The following XIRP2 variants were observed in gnomAD, a reference collection of about 807,000 sequenced individuals.
XIRP2 encodes xin actin-binding repeat-containing protein 2.
Under a neutral mutation model 277.0 loss-of-function variants are expected in XIRP2, and 236 were observed. That is an observed-to-expected ratio of 0.85 (90% CI 0.77 to 0.95). The LOEUF is 0.95. Among genes scored for constraint, XIRP2 ranks in the 40% least tolerant of loss-of-function variants. The probability of loss-of-function intolerance (pLI) is 0.00; values close to 1 mark genes in which losing one functional copy is unlikely to be tolerated. For synonymous variants in XIRP2, 1,490 were observed against 1,416.5 expected (o/e 1.05, Z -1.17); for missense variants, 4,640 against 4,157.5 (o/e 1.12, Z -3.19).
intron 3 of XIRP2, among the ~76,000 whole-genome samples, chr2:167,141,778 T>G (rs566455030): frequency 1.1e-4 from 17 of 152,054 alleles, no homozygotes; most frequent in African/African-American, 4.1e-4. Flanking sequence ...GGAGGATCCC[T>G]TGAGTCCTGG....
chr2:167,107,321 CATA>C (rs1690642727), intron 2 of XIRP2, among the ~76,000 whole-genome samples: 1 of 151,160 alleles, frequency 6.6e-6, no homozygotes, highest in Non-Finnish European at 1.5e-5. Flanking sequence ...CACCAGTAAG[CATA>C]ATGTTACCCA....
chr2:166,959,282 G>A (rs1157563228), intron 2 of XIRP2, among the ~76,000 whole-genome samples: 13 of 151,792 alleles, frequency 8.6e-5, no homozygotes, highest in Non-Finnish European at 1.8e-4. Context: ...AGCTGCCCCT[G>A]GAGAAAGCCA....
intron 2 of XIRP2, among the ~76,000 whole-genome samples, chr2:166,941,143 G>A (rs981740649): frequency 1.3e-5 from 2 of 152,130 alleles, no homozygotes; most frequent in African/African-American, 4.8e-5. Context: ...CCTCATCAAT[G>A]GCGGGCACCC....
Position 166,996,224 on chromosome 2 carries a change from G to T in XIRP2, c.408+92334G>T, listed in dbSNP as rs564797906. ...AGTGAATGAGTGAGTGAGTGAACTA[G>T]TAAATCGAAAGAGGATTCAAATTTG... is the stretch of plus-strand genomic sequence containing the variant. On this transcript the variant is annotated intron_variant, in intron 2 of 10. Transcript: ENST00000409195. 2.0e-5 allele frequency among the ~76,000 whole-genome samples: 3 copies of T among 152,316 alleles called. No individual in the cohort carries two copies. The South Asian group carries it at 6.2e-4, about 32-fold the overall frequency.
intron 2 of XIRP2, among the ~76,000 whole-genome samples, chr2:167,118,666 A>G (rs1690967724): frequency 6.6e-6 from 1 of 152,162 alleles, no homozygotes; most frequent in African/African-American, 2.4e-5. Context: ...GACCATCATC[A>G]GATAATGCAC....
intron 5 of XIRP2, among the ~76,000 whole-genome samples, chr2:167,233,709 TA>T (rs1193900157): frequency 7.2e-5 from 11 of 151,786 alleles, no homozygotes; most frequent in Non-Finnish European, 1.6e-4. Context: ...TAGAATATTT[TA>T]TTTTTTTTGT....
At chr2:166,985,086 C>T (rs1374495336) in intron 2 of XIRP2, among the ~76,000 whole-genome samples, 1 of 152,082 alleles carries the variant, frequency 6.6e-6, no homozygotes, top group Non-Finnish European at 1.5e-5. Context: ...TCTTTGTTTC[C>T]ACAACATCCT....
chr2:167,245,829 G>A lies in XIRP2; in HGVS notation c.4437G>A (p.Gln1479=). 1.2e-6 allele frequency: 2 copies of A among 1,613,738 alleles called. No homozygotes were observed. Among genetic ancestry groups the A allele is most frequent in the Non-Finnish European group, 1.7e-6 (2 of 1,179,772 alleles). The change falls in exon 9 of 11, where the codon CAG becomes CAA. Residue 1479 remains glutamine, a synonymous_variant. Transcript: ENST00000409195. ...LEYENIKTVT[Q]EDVQKGDVKQ... The stretch of plus-strand genomic sequence containing the variant: ...ATGAAAATATCAAGACAGTCACTCA[G>A]GAAGATGTGCAGAAAGGTGATGTTA...
chr2:167,038,844 A>T, intron 2 of XIRP2, among the ~76,000 whole-genome samples: 1 of 152,084 alleles, frequency 6.6e-6, no homozygotes, highest in East Asian at 1.9e-4. Context: ...TTGTGTTTAC[A>T]GTTGTTTGTA....
At chr2:167,180,431 A>G (rs1483833287) in intron 3 of XIRP2, among the ~76,000 whole-genome samples, 1 of 152,080 alleles carries the variant, frequency 6.6e-6, no homozygotes, top group African/African-American at 2.4e-5. Flanking sequence ...AATTTTCCCC[A>G]TTACATTGAT....
intron 2 of XIRP2, among the ~76,000 whole-genome samples, chr2:166,971,832 G>C (rs1686585287): frequency 6.6e-6 from 1 of 152,170 alleles, no homozygotes; most frequent in Non-Finnish European, 1.5e-5. Flanking sequence ...GTTTGCAAGA[G>C]TAGTTACCAA....
At chr2:167,090,017 G>C (rs1690094140) in intron 2 of XIRP2, among the ~76,000 whole-genome samples, 1 of 152,080 alleles carries the variant, frequency 6.6e-6, no homozygotes, top group African/African-American at 2.4e-5. Flanking sequence ...GAGATTAAAA[G>C]TTTAACTTAT....
At chr2:167,050,413 T>C (rs1688886963) in intron 2 of XIRP2, among the ~76,000 whole-genome samples, 1 of 152,114 alleles carries the variant, frequency 6.6e-6, no homozygotes, top group Non-Finnish European at 1.5e-5. Flanking sequence ...TAAATACAGT[T>C]AGCACTATTG....
intron 3 of XIRP2, among the ~76,000 whole-genome samples, chr2:167,210,116 C>T (rs1436500770): frequency 6.6e-6 from 1 of 152,038 alleles, no homozygotes; most frequent in Non-Finnish European, 1.5e-5. Context: ...TTATGTAATA[C>T]ATGCCCCTAA....
intron 3 of XIRP2, among the ~76,000 whole-genome samples, chr2:167,142,872 G>A (rs977399328): frequency 2.6e-5 from 4 of 152,042 alleles, no homozygotes; most frequent in Non-Finnish European, 4.4e-5. Flanking sequence ...TTAGGGCATG[G>A]CTAAAAGAAA....
At chr2:166,997,905 CAAA>C (rs200585621) in intron 2 of XIRP2, among the ~76,000 whole-genome samples, 1 of 133,532 alleles carries the variant, frequency 7.5e-6, no homozygotes. Context: ...GACTCCATCT[CAAA>C]AAAAAAAAAA....
chr2:167,050,623 C>T (rs983927506), intron 2 of XIRP2, among the ~76,000 whole-genome samples: 1 of 151,748 alleles, frequency 6.6e-6, no homozygotes, highest in Non-Finnish European at 1.5e-5. Context: ...GATAATTTCA[C>T]CCCAGAGTGA....
At chr2:167,116,391 C>A (rs901631778) in intron 2 of XIRP2, among the ~76,000 whole-genome samples, 12 of 152,050 alleles carry the variant, frequency 7.9e-5, no homozygotes, top group African/African-American at 2.9e-4. Flanking sequence ...TGGCAATGTT[C>A]CTTTCTGTCT....
chr2:167,218,244 T>A lies in XIRP2; in HGVS notation c.802T>A (p.Ser268Thr), dbSNP rs778255402. ...GAAACAATTTGAGGACGAAATTACTTCTTCCCGTAATACCTTTGCTCAATA... is the reference window on the plus strand; with the variant it reads ...GAAACAATTTGAGGACGAAATTACTACTTCCCGTAATACCTTTGCTCAATA... ...VKKQFEDEIT[S>T]SRNTFAQYQY... The change falls in exon 5 of 11, where the codon TCT becomes ACT. Residue 268 changes from serine to threonine, a missense_variant. Ser to Thr is a moderately conservative substitution (Grantham distance 58). Coordinates refer to ENST00000409195, the MANE Select transcript of XIRP2 (RefSeq NM_152381.6). 63 of 1,608,998 alleles carry A rather than the reference T, an allele frequency of 3.9e-5. No homozygotes were observed. The East Asian group carries it at 1.3e-3, about 34-fold the overall frequency.
Sources: allele counts gnomAD v4.1 joint callset (sites outside exome capture counted in the v4.1 genomes callset), GRCh38; gene constraint gnomAD v4.1.1; transcripts MANE v1.5; gene names NCBI Gene and HGNC (gene_info 2026-07-23, HGNC 2026-07-21).